The following MCPH1 variants were observed in gnomAD, a reference collection of about 807,000 sequenced individuals.
MCPH1 encodes microcephalin 1.
MCPH1 carries 104 observed loss-of-function variants against 84.5 expected under a neutral mutation model. That is an observed-to-expected ratio of 1.23 (90% CI 1.05 to 1.45). The LOEUF (loss-of-function observed/expected upper bound fraction) is 1.45, where lower values mean the gene tolerates loss of function less well. Ranked by LOEUF, MCPH1 falls within the 40% of genes most tolerant of loss-of-function variation. MCPH1 has a pLI of 0.00. For synonymous variants in MCPH1, 514 were observed against 366.8 expected (o/e 1.40, Z -4.58); for missense variants, 1,498 against 1,005.7 (o/e 1.49, Z -6.62).
intron 12 of MCPH1, chr8:6,500,677 C>T (rs1261642191): frequency 1.3e-5 from 2 of 152,134 alleles, no homozygotes; most frequent in African/African-American, 4.8e-5. Flanking sequence ...TTTAAGATTA[C>T]TGTTTGATTT....
intron 12 of MCPH1, among the ~76,000 whole-genome samples, chr8:6,506,738 A>G (rs1193225711): frequency 6.6e-6 from 1 of 151,410 alleles, no homozygotes; most frequent in Non-Finnish European, 1.5e-5. Context: ...GACCTGTGGT[A>G]CCAAATAGTA....
At chr8:6,470,832 A>T (rs896460854) in intron 9 of MCPH1, among the ~76,000 whole-genome samples, 23 of 152,238 alleles carry the variant, frequency 1.5e-4, no homozygotes, top group African/African-American at 5.3e-4. Flanking sequence ...TGTTAAACTG[A>T]AGGAGTGTTG....
At chr8:6,539,553 G>C (rs1821146498) in intron 12 of MCPH1, among the ~76,000 whole-genome samples, 1 of 152,114 alleles carries the variant, frequency 6.6e-6, no homozygotes, top group South Asian at 2.1e-4. Flanking sequence ...GATCTGTTCT[G>C]ATCTAGCCTT....
intron 13 of MCPH1, chr8:6,626,036 C>T: frequency 1.0e-6 from 1 of 985,378 alleles, no homozygotes; most frequent in South Asian, 4.7e-5. Context: ...ATCCGAGCAC[C>T]ACAGTCCACC....
intron 12 of MCPH1, among the ~76,000 whole-genome samples, chr8:6,580,764 C>T (rs1260214563): frequency 6.6e-6 from 1 of 152,188 alleles, no homozygotes; most frequent in African/African-American, 2.4e-5. Context: ...AAAGACTTCC[C>T]TGAGGGCCAT....
chr8:6,532,056 C>A (rs975289831), intron 12 of MCPH1, among the ~76,000 whole-genome samples: 35 of 152,298 alleles, frequency 2.3e-4, no homozygotes, highest in African/African-American at 7.9e-4. Flanking sequence ...GGGTATTCAT[C>A]TTGCAGTGGT....
intron 12 of MCPH1, among the ~76,000 whole-genome samples, chr8:6,575,550 C>G (rs1228521932): frequency 6.6e-6 from 1 of 152,186 alleles, no homozygotes; most frequent in Non-Finnish European, 1.5e-5. Context: ...TAATTAGTAG[C>G]ATGCAACTCT....
intron 12 of MCPH1, among the ~76,000 whole-genome samples, chr8:6,565,885 G>T (rs1257661915): frequency 6.6e-6 from 1 of 152,156 alleles, no homozygotes; most frequent in African/African-American, 2.4e-5. Flanking sequence ...ATTCCCTCAA[G>T]TTCCGAACAT....
rs144796980 is a variant in MCPH1 at position 6,486,133 on chromosome 8, C to G, written c.2136+5257C>G. Among the ~76,000 whole-genome samples the G allele has an allele frequency of 2.5e-3, 379 of 152,284 alleles. 3 individuals carry two copies. Among genetic ancestry groups the G allele is most frequent in the African/African-American group, 8.2e-3 (340 of 41,540 alleles). On this transcript the variant is annotated intron_variant, in intron 11 of 13. Coordinates refer to ENST00000344683, the MANE Select transcript of MCPH1 (RefSeq NM_024596.5). Reference sequence around the variant, plus strand: ...TCTACATAATTTTTAAAGCTTAGCACCCACTTTAATATTTATCTATGTCTT... The same window carrying G: ...TCTACATAATTTTTAAAGCTTAGCAGCCACTTTAATATTTATCTATGTCTT...
chr8:6,439,906 T>C (rs183491752), intron 6 of MCPH1, among the ~76,000 whole-genome samples: 4 of 152,344 alleles, frequency 2.6e-5, no homozygotes, highest in Non-Finnish European at 5.9e-5. Flanking sequence ...GTAACCTGTA[T>C]TTTAAGTTTA....
At chr8:6,552,863 A>T (rs79992356) in intron 12 of MCPH1, among the ~76,000 whole-genome samples, 1 of 151,992 alleles carries the variant, frequency 6.6e-6, no homozygotes, top group Non-Finnish European at 1.5e-5. Context: ...CAGTCCGAAA[A>T]GGCTGTATAT....
At chr8:6,429,976 A>C (rs1801607401) in intron 3 of MCPH1, among the ~76,000 whole-genome samples, 1 of 152,182 alleles carries the variant, frequency 6.6e-6, no homozygotes, top group Non-Finnish European at 1.5e-5. Flanking sequence ...CCTAAGTTGC[A>C]TTCATTCACT....
intron 12 of MCPH1, among the ~76,000 whole-genome samples, chr8:6,569,698 A>G (rs1826501286): frequency 6.6e-6 from 1 of 152,208 alleles, no homozygotes; most frequent in South Asian, 2.1e-4. Context: ...AATGGTTATG[A>G]ATTTAAGGAG....
chr8:6,482,058 C>T (rs1284238619), intron 11 of MCPH1, among the ~76,000 whole-genome samples: 2 of 152,150 alleles, frequency 1.3e-5, no homozygotes, highest in Non-Finnish European at 2.9e-5. Context: ...GTGCTGCTTG[C>T]CCTCACTTAG....
At chr8:6,490,014 T>A (rs928353347) in intron 11 of MCPH1, among the ~76,000 whole-genome samples, 1 of 152,160 alleles carries the variant, frequency 6.6e-6, no homozygotes, top group Non-Finnish European at 1.5e-5. Flanking sequence ...GGTCTTTCCT[T>A]TTCTTTTAAC....
At chr8:6,595,758 T>A (rs1010816189) in intron 12 of MCPH1, among the ~76,000 whole-genome samples, 2 of 152,206 alleles carry the variant, frequency 1.3e-5, no homozygotes, top group Non-Finnish European at 2.9e-5. Flanking sequence ...CAGAGCATCA[T>A]TCCGGCTGCT....
chr8:6,548,475 G>A (rs1012769274), intron 12 of MCPH1, among the ~76,000 whole-genome samples: 1 of 152,144 alleles, frequency 6.6e-6, no homozygotes, highest in Admixed American at 6.5e-5. Context: ...TGCCCAGCTC[G>A]AGGAAAATGC....
At chr8:6,477,103 C>A (rs1297935787) in intron 9 of MCPH1, among the ~76,000 whole-genome samples, 1 of 151,590 alleles carries the variant, frequency 6.6e-6, no homozygotes, top group South Asian at 2.1e-4. Context: ...GTCAATAGAA[C>A]AAATAAGTTC....
rs778789751 is a variant in MCPH1, at chr8:6,442,054, G to T, written c.581-13G>T. On this transcript the variant is annotated splice_polypyrimidine_tract_variant and intron_variant, in intron 6 of 13. Coordinates refer to ENST00000344683, the MANE Select transcript of MCPH1 (RefSeq NM_024596.5). Reference sequence around the variant, plus strand: ...AAACTTTATCTAATGCAGTGTCTTGGTCCTGTTTTTAGCTTCCCAAATGAT... The same window carrying T: ...AAACTTTATCTAATGCAGTGTCTTGTTCCTGTTTTTAGCTTCCCAAATGAT... 6.3e-6 allele frequency: 10 copies of T among 1,593,046 alleles called. No homozygotes were observed. In the South Asian group the frequency reaches 9.9e-5, roughly 16 times the overall value.
Sources: gnomAD v4.1 joint callset for allele counts (sites outside exome capture counted in the v4.1 genomes callset) on GRCh38, gnomAD v4.1.1 for gene constraint, MANE v1.5 for transcripts, NCBI Gene and HGNC (gene_info 2026-07-23, HGNC 2026-07-21) for gene names.